The following HECTD4 variants were observed in gnomAD, a reference collection of about 807,000 sequenced individuals.
HECTD4 encodes probable E3 ubiquitin-protein ligase HECTD4.
HECTD4 carries 114 observed loss-of-function variants against 471.5 expected under a neutral mutation model. The observed-to-expected ratio is 0.24, with a 90% CI of 0.21 to 0.28. HECTD4 has a LOEUF of 0.28. Ranked by LOEUF, HECTD4 falls within the 10% of genes least tolerant of loss-of-function variation. The pLI, the probability that HECTD4 is intolerant of heterozygous loss-of-function variation, is 1.00. For synonymous variants in HECTD4, 2,012 were observed against 2,256.0 expected (o/e 0.89, Z 3.07); for missense variants, 3,866 against 5,651.5 (o/e 0.68, Z 10.13).
intron 1 of HECTD4, among the ~76,000 whole-genome samples, chr12:112,371,897 A>AAG (rs1172932022): frequency 6.6e-6 from 1 of 151,140 alleles, no homozygotes; most frequent in East Asian, 1.9e-4. Context: ...AAAAAAAAAA[A>AAG]AAAAAAAAAA....
intron 6 of HECTD4, among the ~76,000 whole-genome samples, chr12:112,306,934 C>T (rs2035281805): frequency 6.6e-6 from 1 of 152,186 alleles, no homozygotes; most frequent in Non-Finnish European, 1.5e-5. Flanking sequence ...AAACATCCTT[C>T]TGTTTCAGCA....
At chr12:112,292,919 G>A (rs1308956444) in intron 7 of HECTD4, among the ~76,000 whole-genome samples, 3 of 152,050 alleles carry the variant, frequency 2.0e-5, no homozygotes, top group African/African-American at 4.8e-5. Flanking sequence ...CTACTAGGGA[G>A]GCTGAGGCAG....
At chr12:112,174,824 G>T (rs1405180367) in intron 66 of HECTD4, among the ~76,000 whole-genome samples, 1 of 152,256 alleles carries the variant, frequency 6.6e-6, no homozygotes, top group Non-Finnish European at 1.5e-5. Context: ...TGGGATTACA[G>T]GTGTGAGGCA....
intron 1 of HECTD4, among the ~76,000 whole-genome samples, chr12:112,363,005 C>G (rs2036484096): frequency 6.6e-6 from 1 of 151,744 alleles, no homozygotes; most frequent in Non-Finnish European, 1.5e-5. Context: ...CCCAGCCTCC[C>G]TTATGCTTTT....
chr12:112,311,726 G>C (rs888068468), intron 4 of HECTD4, among the ~76,000 whole-genome samples: 5 of 151,938 alleles, frequency 3.3e-5, no homozygotes, highest in Non-Finnish European at 7.4e-5. Flanking sequence ...AAAGCAAACA[G>C]ATCAGCTTAA....
rs757637363 is a variant in HECTD4 at position 112,194,986 on chromosome 12, G to C, written c.8648C>G (p.Pro2883Arg). The change falls in exon 56 of 76, where the codon CCT becomes CGT. Residue 2883 changes from proline to arginine, a missense_variant. By Grantham distance (103) the Pro-to-Arg change is moderately radical. This residue lies in a region of HECTD4 where 266 missense variants were observed against 441.6 expected (regional missense o/e 0.60). Transcript: ENST00000682272. This position sits in a 1 kb window ranked among gnomAD's most constrained non-coding sequence, Gnocchi z 4.6. ...GTGGAAGAGGCGAGTGAACAAGTGAGGCAACTTCGGGGCGAAGATATTGAG... is the reference window on the plus strand; with the variant it reads ...GTGGAAGAGGCGAGTGAACAAGTGACGCAACTTCGGGGCGAAGATATTGAG... ...ALLNIFAPKL[P>R]HLFTRLFHIP... 1 of 1,611,534 alleles carries C rather than the reference G, an allele frequency of 6.2e-7. No individual in the cohort carries two copies. Among genetic ancestry groups the C allele is most frequent in the East Asian group, 2.2e-5 (1 of 44,788 alleles).
rs1003500381 is a variant in HECTD4, at chr12:112,236,649, G to A, written c.5444+296C>T. On this transcript the variant is annotated intron_variant, in intron 35 of 75. Coordinates refer to ENST00000682272, the MANE Select transcript of HECTD4 (RefSeq NM_001388303.1). Reference sequence around the variant, plus strand: ...TGCTACAATGAGGGTAAGATTTTTGGTTAATGAATACAACTGCATCTATGG... The same window carrying A: ...TGCTACAATGAGGGTAAGATTTTTGATTAATGAATACAACTGCATCTATGG... Among the ~76,000 whole-genome samples the A allele has an allele frequency of 7.6e-4, 116 of 152,274 alleles. 4 individuals carry two copies. Among genetic ancestry groups the A allele is most frequent in the South Asian group, 4.1e-4 (2 of 4,820 alleles).
intron 1 of HECTD4, among the ~76,000 whole-genome samples, chr12:112,354,985 A>ATTT (rs1230962216): frequency 6.9e-6 from 1 of 145,408 alleles, no homozygotes; most frequent in African/African-American, 2.5e-5. Flanking sequence ...TGGGATTTTA[A>ATTT]TTTTTTTTTT....
At chr12:112,244,913 G>T (rs756199753) in intron 29 of HECTD4, among the ~76,000 whole-genome samples, 7 of 152,100 alleles carry the variant, frequency 4.6e-5, no homozygotes, top group Non-Finnish European at 1.0e-4. Context: ...AATGGAAGAA[G>T]ATAAAACTAT....
chr12:112,278,054 A>G (rs191071681), intron 9 of HECTD4, among the ~76,000 whole-genome samples: 1 of 152,336 alleles, frequency 6.6e-6, no homozygotes, highest in Admixed American at 6.5e-5. Context: ...TATCGAGTAA[A>G]ACCAAAAATT....
At chr12:112,168,160 T>G (rs984707257) in intron 70 of HECTD4, among the ~76,000 whole-genome samples, 3 of 152,156 alleles carry the variant, frequency 2.0e-5, no homozygotes, top group Non-Finnish European at 2.9e-5. Flanking sequence ...CAGTCACCTG[T>G]CTGTCAAATG....
At chr12:112,230,638 A>C in intron 40 of HECTD4, 49 bp downstream of exon 40, 4 of 1,547,358 alleles carry the variant, frequency 2.6e-6, no homozygotes, top group Non-Finnish European at 3.5e-6. Flanking sequence ...TTCTAATTCT[A>C]ATTAGCTTAC....
At chr12:112,350,515 T>TA (rs1351448530) in intron 1 of HECTD4, among the ~76,000 whole-genome samples, 3 of 152,186 alleles carry the variant, frequency 2.0e-5, no homozygotes, top group African/African-American at 7.2e-5. Flanking sequence ...TTGTTTTTCT[T>TA]TATTAAGGAT....
chr12:112,197,398 G>A (rs1369436253), intron 55 of HECTD4, among the ~76,000 whole-genome samples: 1 of 152,102 alleles, frequency 6.6e-6, no homozygotes, highest in Non-Finnish European at 1.5e-5. Flanking sequence ...GCTCACTGCA[G>A]CCTTGAACTC....
At chr12:112,257,195 G>T (rs2034034536) in intron 20 of HECTD4, among the ~76,000 whole-genome samples, 1 of 152,138 alleles carries the variant, frequency 6.6e-6, no homozygotes, top group South Asian at 2.1e-4. Context: ...CAATATGGTA[G>T]CTACTAGTCA....
rs184676110 is a variant in HECTD4 at position 112,235,670 on chromosome 12, G to A, written c.5559C>T (p.Cys1853=). ...PKLVLIILQL[C]RAALPLMSVE... The stretch of plus-strand genomic sequence containing the variant: ...CGCTCATCAGGGGCAGCGCCGCCCG[G>A]CACAGCTGGAGAATAATAAGGACTA... Residue 1853 remains cysteine (C), a synonymous_variant, in exon 36 of 76, where the codon TGC becomes TGT. Transcript: ENST00000682272. The surrounding 1 kb of genome is among the most constrained non-coding windows in gnomAD (Gnocchi z 5.0). 6.8e-4 allele frequency: 1,093 copies of A among 1,613,986 alleles called. 6 individuals carry two copies. The African/African-American group carries it at 0.013, about 19-fold the overall frequency.
At chr12:112,245,485 T>C (rs1308254793) in intron 29 of HECTD4, among the ~76,000 whole-genome samples, 2 of 152,200 alleles carry the variant, frequency 1.3e-5, no homozygotes, top group African/African-American at 2.4e-5. Flanking sequence ...TAGCAGACCA[T>C]CCTGGCATGT....
chr12:112,233,280 G>A (rs1014269542), intron 37 of HECTD4, among the ~76,000 whole-genome samples, 195 bp from the exon 38 acceptor site: 5 of 143,970 alleles, frequency 3.5e-5, no homozygotes, highest in African/African-American at 1.3e-4. Context: ...GGAGTGCAGT[G>A]GCGTGATCAC....
intron 7 of HECTD4, among the ~76,000 whole-genome samples, chr12:112,287,187 C>T (rs965346767): frequency 4.6e-5 from 7 of 152,192 alleles, no homozygotes; most frequent in African/African-American, 1.7e-4. Context: ...CTCCCTCTCA[C>T]ATTATCCTGT....
Sources: gnomAD v4.1 joint callset for allele counts (sites outside exome capture counted in the v4.1 genomes callset) on GRCh38, gnomAD v4.1.1 for gene constraint, gnomAD v4.1.1 regional missense constraint, Gnocchi (gnomAD v3.1) non-coding constraint, MANE v1.5 for transcripts, NCBI Gene and HGNC (gene_info 2026-07-23, HGNC 2026-07-21) for gene names.